Variants in BTBD3 observed in about 807,000 individuals in gnomAD.
BTBD3 encodes BTB domain containing 3, also known as BTB/POZ domain-containing protein 3.
BTBD3 carries 14 observed loss-of-function variants against 41.6 expected under a neutral mutation model. The ratio of observed to expected loss-of-function variants is 0.34; its 90% CI spans 0.22 to 0.53. The LOEUF is 0.53. Among genes scored for constraint, BTBD3 ranks in the 20% least tolerant of loss-of-function variants. The pLI, the probability that BTBD3 is intolerant of heterozygous loss-of-function variation, is 0.95. For missense variants in BTBD3, 426 were observed against 654.7 expected (o/e 0.65, Z 3.81); for synonymous variants, 249 against 233.7 (o/e 1.07, Z -0.60).
intron 3 of BTBD3, among the ~76,000 whole-genome samples, chr20:11,921,051 T>C (rs141030496): frequency 5.0e-4 from 76 of 152,346 alleles, no homozygotes; most frequent in Non-Finnish European, 9.8e-4. Context: ...TTTGGAGATA[T>C]ATGTACAGAA....
At chr20:11,899,070 C>G (rs2056808142) in intron 1 of BTBD3, among the ~76,000 whole-genome samples, 2 of 152,314 alleles carry the variant, frequency 1.3e-5, no homozygotes, top group Middle Eastern at 3.4e-3. Flanking sequence ...TTTAACCAGT[C>G]TGCAAATATT....
intron 1 of BTBD3, among the ~76,000 whole-genome samples, chr20:11,892,338 T>C (rs891028827): frequency 6.6e-6 from 1 of 152,198 alleles, no homozygotes; most frequent in African/African-American, 2.4e-5. Context: ...CTCAACCCTC[T>C]GCCAGATCCC....
At chr20:11,906,994 T>C (rs2056858945) in intron 1 of BTBD3, among the ~76,000 whole-genome samples, 1 of 152,184 alleles carries the variant, frequency 6.6e-6, no homozygotes. Flanking sequence ...TTGCTGAGAA[T>C]TTATCATCCT....
At chr20:11,892,970 C>T (rs929813545) in intron 1 of BTBD3, among the ~76,000 whole-genome samples, 1 of 152,100 alleles carries the variant, frequency 6.6e-6, no homozygotes, top group Non-Finnish European at 1.5e-5. Context: ...TAATGTTATA[C>T]TTTAACAAAG....
At chr20:11,918,753 A>G in intron 1 of BTBD3, 152 bp downstream of exon 1, 2 of 830,470 alleles carry the variant, frequency 2.4e-6, no homozygotes, top group South Asian at 4.1e-5. Flanking sequence ...TATCTTTTCC[A>G]AAACAGTACA....
rs145986671 is a variant in BTBD3, at chr20:11,923,191, A to G, written c.1094A>G (p.Lys365Arg). The G allele has an allele frequency of 1.2e-6, 2 of 1,614,096 alleles. No homozygotes were observed. Among genetic ancestry groups the G allele is most frequent in the African/African-American group, 2.7e-5 (2 of 74,940 alleles). The change falls in exon 4 of 4, where the codon AAA becomes AGA. Residue 365 changes from lysine to arginine, a missense_variant. Lys to Arg is a conservative substitution (Grantham distance 26). Around this residue, in one of 3 missense-constraint regions of BTBD3, gnomAD observed 321 missense variants for 534.8 expected, o/e 0.60. Coordinates refer to ENST00000378226, the MANE Select transcript of BTBD3 (RefSeq NM_014962.4). This position sits in a 1 kb window ranked among gnomAD's most constrained non-coding sequence, Gnocchi z 5.3. ...AKKPELQFVS[K>R]ARKGLVPQRC... The stretch of plus-strand genomic sequence containing the variant: ...AAGCCTGAGCTTCAGTTTGTGAGTA[A>G]AGCCCGTAAGGGCCTTGTCCCCCAG...
At chr20:11,911,890 A>C (rs1297617884) in intron 1 of BTBD3, among the ~76,000 whole-genome samples, 1 of 152,220 alleles carries the variant, frequency 6.6e-6, no homozygotes, top group Non-Finnish European at 1.5e-5. Flanking sequence ...AACAAGGTGC[A>C]CACTGAGACA....
intron 1 of BTBD3, among the ~76,000 whole-genome samples, chr20:11,895,383 T>C (rs114104468): frequency 0.017 from 2,591 of 152,330 alleles, 72 homozygotes; most frequent in African/African-American, 0.059. Context: ...TATTGTAAAA[T>C]AGATGGTCTT....
Position 11,911,304 on chromosome 20 carries a change from A to T in BTBD3, c.-125-7030A>T, listed in dbSNP as rs558905393. On this transcript the variant is annotated intron_variant, in intron 1 of 4. Coordinates refer to the BTBD3 transcript ENST00000254977. The stretch of plus-strand genomic sequence containing the variant: ...TATGTACACAGAGTTTTAGTTGGGT[A>T]TTGGTCATAATCATATTAAAATGTA... 1.3e-3 allele frequency among the ~76,000 whole-genome samples: 200 copies of T among 152,326 alleles called. 4 individuals carry two copies. In the South Asian group the frequency reaches 0.039, roughly 30 times the overall value.
chr20:11,898,047 A>T (rs1210685858), intron 1 of BTBD3, among the ~76,000 whole-genome samples: 1 of 152,184 alleles, frequency 6.6e-6, no homozygotes, highest in Non-Finnish European at 1.5e-5. Flanking sequence ...AATTCCAGGT[A>T]CTTGGGAGGC....
intron 1 of BTBD3, among the ~76,000 whole-genome samples, chr20:11,897,595 G>A (rs1400130423): frequency 6.7e-6 from 1 of 148,676 alleles, no homozygotes; most frequent in East Asian, 2.0e-4. Flanking sequence ...TCTTCAAAAT[G>A]TATCCAGAAT....
intron 3 of BTBD3, among the ~76,000 whole-genome samples, chr20:11,920,237 A>G (rs551116830): frequency 1.3e-5 from 2 of 152,356 alleles, no homozygotes; most frequent in African/African-American, 4.8e-5. Flanking sequence ...TTTAAGTAAC[A>G]CCAGTTGGGA....
intron 1 of BTBD3, among the ~76,000 whole-genome samples, chr20:11,903,800 G>A (rs1268459888): frequency 1.3e-5 from 2 of 152,038 alleles, no homozygotes; most frequent in African/African-American, 4.8e-5. Context: ...TAGAGACAGC[G>A]TTTCGTCATA....
Position 11,923,542 on chromosome 20 carries a change from G to T in BTBD3, c.1445G>T (p.Gly482Val), listed in dbSNP as rs1305654137. The change falls in exon 4 of 4, where the codon GGA becomes GTA. Residue 482 changes from glycine to valine, a missense_variant. Physicochemically the swap from Gly to Val is moderately radical, Grantham distance 109. This residue lies in a region of BTBD3 where 321 missense variants were observed against 534.8 expected (regional missense o/e 0.60). Transcript: ENST00000378226. The surrounding 1 kb of genome is among the most constrained non-coding windows in gnomAD (Gnocchi z 5.3). The part of the protein sequence containing the change: ...ILDGNELSYF[G>V]QEGMTEVQCG... Reference sequence around the variant, plus strand: ...GATGGCAATGAACTCAGCTACTTTGGACAAGAAGGCATGACAGAAGTTCAG... The same window carrying T: ...GATGGCAATGAACTCAGCTACTTTGTACAAGAAGGCATGACAGAAGTTCAG... 1 of 1,614,174 alleles carries T rather than the reference G, an allele frequency of 6.2e-7. No homozygotes were observed. The highest frequency in any genetic ancestry group is 8.5e-7 in the Non-Finnish European group (1 of 1,180,036).
At chr20:11,898,113 G>A (rs1174354440) in intron 1 of BTBD3, among the ~76,000 whole-genome samples, 1 of 152,180 alleles carries the variant, frequency 6.6e-6, no homozygotes, top group Non-Finnish European at 1.5e-5. Context: ...AGTGAGCCGA[G>A]ATCGTGCCAT....
Position 11,923,147 on chromosome 20 carries a change from C to T in BTBD3, c.1050C>T (p.Leu350=). 2.5e-6 allele frequency: 4 copies of T among 1,614,198 alleles called. No individual in the cohort carries two copies. The South Asian group carries it at 3.3e-5, about 13-fold the overall frequency. The change falls in exon 4 of 4, where the codon CTC becomes CTT. Residue 350 remains leucine (L), a synonymous_variant. Transcript: ENST00000378226. The surrounding 1 kb of genome is among the most constrained non-coding windows in gnomAD (Gnocchi z 5.3). ...LTLNETNDIF[L]WYTAAKKPEL... is the part of the protein sequence containing the mutation. ...TCAATGAGACCAACGACATCTTCCT[C>T]TGGTATACTGCAGCCAAAAAGCCTG...
chr20:11,918,931 T>C, intron 1 of BTBD3, 155 bp from the exon 2 acceptor site: 1 of 614,016 alleles, frequency 1.6e-6, no homozygotes, highest in South Asian at 2.1e-5. Flanking sequence ...TTGCAATGAT[T>C]ATGAACAGTT....
At chr20:11,893,757 C>T (rs2056770164) in intron 1 of BTBD3, among the ~76,000 whole-genome samples, 3 of 152,052 alleles carry the variant, frequency 2.0e-5, no homozygotes, top group African/African-American at 4.8e-5. Flanking sequence ...TAAAAATCAC[C>T]GTCATATCAT....
chr20:11,894,899 C>G (rs568217540), intron 1 of BTBD3, among the ~76,000 whole-genome samples: 4 of 152,182 alleles, frequency 2.6e-5, no homozygotes, highest in East Asian at 1.9e-4. Flanking sequence ...TACAATAAGG[C>G]TTTTAGACTT....
Sources: gnomAD v4.1 joint callset for allele counts (sites outside exome capture counted in the v4.1 genomes callset) on GRCh38, gnomAD v4.1.1 for gene constraint, gnomAD v4.1.1 regional missense constraint, Gnocchi (gnomAD v3.1) non-coding constraint, MANE v1.5 for transcripts, NCBI Gene and HGNC (gene_info 2026-07-23, HGNC 2026-07-21) for gene names.